UGT2A1: variants seen among roughly 807,000 people sequenced by gnomAD.
UGT2A1 encodes UDP glucuronosyltransferase family 2 member A1 complex locus, also known as UDP-glucuronosyltransferase 2A1.
A neutral mutation model predicts 45.4 loss-of-function variants in UGT2A1; 61 were observed. The ratio of observed to expected loss-of-function variants is 1.34; its 90% CI spans 1.09 to 1.66. UGT2A1 has a LOEUF of 1.66. UGT2A1 is among the 40% of genes most tolerant of loss of function. The pLI is 0.00. For missense variants in UGT2A1, 649 were observed against 574.3 expected (o/e 1.13, Z -1.33); for synonymous variants, 229 against 196.2 (o/e 1.17, Z -1.40).
intron 3 of UGT2A1, among the ~76,000 whole-genome samples, chr4:69,607,941 G>A (rs1036619967): frequency 6.6e-5 from 10 of 152,298 alleles, no homozygotes; most frequent in South Asian, 4.1e-4. Context: ...AGAGGATGTC[G>A]AGAAATAGGA....
At chr4:69,614,562 C>A (rs1395240788) in intron 3 of UGT2A1, among the ~76,000 whole-genome samples, 3 of 151,972 alleles carry the variant, frequency 2.0e-5, no homozygotes. Context: ...CATTACTTGA[C>A]TTCAAATTAT....
intron 6 of UGT2A1, among the ~76,000 whole-genome samples, chr4:69,591,201 C>G (rs1293193846): frequency 1.3e-5 from 2 of 151,972 alleles, no homozygotes; most frequent in African/African-American, 4.8e-5. Flanking sequence ...TGACCATGGC[C>G]CATGATAAAG....
At chr4:69,620,943 A>T (rs1363726975) in intron 3 of UGT2A1, among the ~76,000 whole-genome samples, 1 of 152,104 alleles carries the variant, frequency 6.6e-6, no homozygotes, top group Non-Finnish European at 1.5e-5. Context: ...ATAAATGGCT[A>T]GCCATATACA....
intron 3 of UGT2A1, among the ~76,000 whole-genome samples, chr4:69,630,355 A>C: frequency 6.6e-6 from 1 of 151,506 alleles, no homozygotes; most frequent in African/African-American, 2.4e-5. Context: ...ACTCTTTATA[A>C]CTCCCCATTC....
At chr4:69,610,194 G>A (rs189819188) in intron 3 of UGT2A1, among the ~76,000 whole-genome samples, 3 of 152,062 alleles carry the variant, frequency 2.0e-5, no homozygotes, top group Admixed American at 6.5e-5. Context: ...TTTTAAATGT[G>A]CAAAAATTAA....
intron 3 of UGT2A1, 22 bp from the exon 4 acceptor site, chr4:69,599,416 G>C (rs866217036): frequency 6.2e-7 from 1 of 1,608,998 alleles, no homozygotes. Context: ...GTAACAAGTT[G>C]GATGGAGGAA....
Position 69,614,149 on chromosome 4 carries a change from T to C in UGT2A1, c.848-14755A>G, listed in dbSNP as rs144067998. Among the ~76,000 whole-genome samples the C allele has an allele frequency of 5.2e-3, 760 of 147,154 alleles. 4 individuals are homozygous for C. The highest frequency in any genetic ancestry group is 8.3e-3 in the Non-Finnish European group (554 of 66,598). ...GTAGTTCCAGGACACAAAATCAACA[T>C]ACAAATATCAGTGGCATTTCTATAT... is the stretch of plus-strand genomic sequence containing the variant. On this transcript the variant is annotated intron_variant, in intron 3 of 6. Transcript: ENST00000286604.
In UGT2A1 at chr4:69,637,908, AAGGCAGGCAGGC is replaced by A. The variant is rs140477220; in HGVS notation, c.716-2098_716-2087del. ...TAAAAAAGGAAGGAAGGCAAGAAGGAAGGCAGGCAGGCAGGCAGGCAGGAAGGAAGGAAGGAA... is the reference window on the plus strand; with the variant it reads ...TAAAAAAGGAAGGAAGGCAAGAAGGAAGGCAGGCAGGAAGGAAGGAAGGAA... On this transcript the variant is annotated intron_variant, in intron 2 of 6. Transcript: ENST00000286604. 6.3e-3 allele frequency among the ~76,000 whole-genome samples: 950 copies of A among 150,224 alleles called. 9 individuals carry two copies. Among genetic ancestry groups the A allele is most frequent in the African/African-American group, 0.022 (902 of 40,604 alleles).
intron 4 of UGT2A1, among the ~76,000 whole-genome samples, chr4:69,598,206 G>A (rs2109887580): frequency 1.3e-5 from 2 of 152,178 alleles, no homozygotes; most frequent in Non-Finnish European, 2.9e-5. Flanking sequence ...TTAGAATCCT[G>A]AAATAAAATT....
At position 69,589,198 on chromosome 4, in the gene UGT2A1, C is replaced by T. The variant is rs368030038; in HGVS notation, c.*174G>A. ...CTATAACTCACAAGTTAATAATAAT[C>T]ATGCCAAAATCTAGGCTTTATCAGT... On this transcript the variant is annotated 3_prime_UTR_variant, in exon 7 of 7. Transcript: ENST00000286604. 242 of 807,750 alleles carry T rather than the reference C, an allele frequency of 3.0e-4. 1 individual carries two copies. The East Asian group carries it at 6.2e-3, about 21-fold the overall frequency. 50.0% of individuals were successfully genotyped at this position (807,750 alleles called of 1,614,324 possible). A position where few individuals can be genotyped will look rare whatever the true frequency, so the allele number is the denominator to read the frequency against.
At chr4:69,620,490 A>C (rs896831807) in intron 3 of UGT2A1, among the ~76,000 whole-genome samples, 1 of 152,046 alleles carries the variant, frequency 6.6e-6, no homozygotes, top group African/African-American at 2.4e-5. Flanking sequence ...TGACACAAAC[A>C]AATGAAAAAA....
At chr4:69,591,539 G>A (rs1023885694) in intron 6 of UGT2A1, among the ~76,000 whole-genome samples, 1 of 152,038 alleles carries the variant, frequency 6.6e-6, no homozygotes. Context: ...GTTGTGAAAC[G>A]TTTCTTATCA....
chr4:69,598,613 G>T (rs571872558), intron 4 of UGT2A1, among the ~76,000 whole-genome samples: 50 of 152,040 alleles, frequency 3.3e-4, no homozygotes, highest in African/African-American at 1.2e-3. Flanking sequence ...TTTACACTTT[G>T]TACTACCTAA....
Position 69,599,239 on chromosome 4 carries a change from G to A in UGT2A1, c.996+7C>T. ...GAGCATAAAATCCTCCACTGTTGTA[G>A]ACCTACCTTAGGTAAAGGTTTGGCA... is the stretch of plus-strand genomic sequence containing the variant. On this transcript the variant is annotated splice_region_variant and intron_variant, in intron 4 of 6. Coordinates refer to ENST00000286604, the MANE Select transcript of UGT2A1 (RefSeq NM_001252275.3). 6.2e-7 allele frequency: 1 copy of A among 1,612,380 alleles called. No homozygotes were observed. The highest frequency in any genetic ancestry group is 8.5e-7 in the Non-Finnish European group (1 of 1,179,506).
chr4:69,643,772 G>A (rs1722141391), intron 2 of UGT2A1, among the ~76,000 whole-genome samples: 1 of 151,574 alleles, frequency 6.6e-6, no homozygotes, highest in Non-Finnish European at 1.5e-5. Flanking sequence ...ACTCAGGTGA[G>A]GCTGTTCGAG....
chr4:69,593,688 A>T (rs2109877752), intron 6 of UGT2A1, among the ~76,000 whole-genome samples: 1 of 151,840 alleles, frequency 6.6e-6, no homozygotes, highest in South Asian at 2.1e-4. Context: ...GTACAAATCA[A>T]TATTTAAAAA....
At chr4:69,649,783 C>T (rs1434284367) in intron 1 of UGT2A1, among the ~76,000 whole-genome samples, 6 of 151,996 alleles carry the variant, frequency 3.9e-5, no homozygotes, top group Admixed American at 2.6e-4. Context: ...TGGGGCTTGC[C>T]TACAACATGC....
chr4:69,627,393 A>G (rs1310123518), intron 3 of UGT2A1, among the ~76,000 whole-genome samples: 1 of 151,852 alleles, frequency 6.6e-6, no homozygotes, highest in Non-Finnish European at 1.5e-5. Flanking sequence ...ATAGATTCAT[A>G]TGATTTTATG....
In UGT2A1 at chr4:69,635,600, C is replaced by T. The variant is rs576552399; in HGVS notation, c.847+91G>A. On this transcript the variant is annotated intron_variant, in intron 3 of 6. Transcript: ENST00000286604. ...ATCCCAGCAATTTGTGAGGCCAAGG[C>T]GGGTGGATAACTTGAGGTCAGGAAC... 37 of 175,406 alleles carry T rather than the reference C, an allele frequency of 2.1e-4. 1 individual carries two copies. The South Asian group carries it at 2.9e-3, about 14-fold the overall frequency. 10.9% of individuals were successfully genotyped at this position (175,406 alleles called of 1,614,324 possible).
Sources: allele counts gnomAD v4.1 joint callset (sites outside exome capture counted in the v4.1 genomes callset), GRCh38; gene constraint gnomAD v4.1.1; transcripts MANE v1.5; gene names NCBI Gene and HGNC (gene_info 2026-07-23, HGNC 2026-07-21).